The following PATJ variants were observed in gnomAD, a reference collection of about 807,000 sequenced individuals.
PATJ encodes the protein PATJ crumbs cell polarity complex component.
Under a neutral mutation model 224.9 loss-of-function variants are expected in PATJ, and 190 were observed. That is an observed-to-expected ratio of 0.84 (90% CI 0.75 to 0.95). The LOEUF is 0.95. Among genes scored for constraint, PATJ ranks in the 40% least tolerant of loss-of-function variants. The pLI is 0.00. For missense variants in PATJ, 2,121 were observed against 2,270.3 expected, an observed-to-expected ratio of 0.93 and a Z score of 1.34; for synonymous variants, 769 against 820.3, an observed-to-expected ratio of 0.94 and a Z score of 1.07.
chr1:61,923,799 A>G lies in PATJ; in HGVS notation c.3571-3931A>G, dbSNP rs568944017. Among the ~76,000 whole-genome samples, 16 of 151,588 alleles carry G rather than the reference A, an allele frequency of 1.1e-4. 1 individual carries two copies. In the East Asian group the frequency reaches 3.1e-3, roughly 30 times the overall value. On this transcript the variant is annotated intron_variant, in intron 26 of 43. Transcript: ENST00000642238. ...TAGCCGGCTGTGGTGGCACATGCCT[A>G]TAATTCCAGCTACTTGGGAGGCTGA... is the stretch of plus-strand genomic sequence containing the variant.
chr1:62,161,329 T>TTA lies in PATJ; in HGVS notation c.*276_*277insAT. The stretch of plus-strand genomic sequence containing the variant: ...TTGCATTTAATTTCAGTGTTCCGAT[T>TTA]TCTTTTTTTTTTTTTTTTTTTTTTT... On this transcript the variant is annotated 3_prime_UTR_variant, in exon 44 of 44. Coordinates refer to ENST00000642238, the MANE Select transcript of PATJ (RefSeq NM_001350145.3). 2 of 177,218 alleles carry TTA rather than the reference T, an allele frequency of 1.1e-5. No individual in the cohort carries two copies. Among genetic ancestry groups the TTA allele is most frequent in the Non-Finnish European group, 2.0e-5 (2 of 99,742 alleles). The allele number at this position is 177,218 out of a possible 1,614,324, so 11.0% of individuals were successfully genotyped here. A position where few individuals can be genotyped will look rare whatever the true frequency, so the allele number is the denominator to read the frequency against.
chr1:62,114,211 T>TGGCCGG lies in PATJ; in HGVS notation c.4625_4630dup (p.Arg1542_Gly1543dup). 6.2e-7 allele frequency: 1 copy of TGGCCGG among 1,614,170 alleles called. No individual in the cohort carries two copies. Among genetic ancestry groups the TGGCCGG allele is most frequent in the Non-Finnish European group, 8.5e-7 (1 of 1,179,996 alleles). ...TCCCTGTGGATCTGCAGAAGAAAGC[T>TGGCCGG]GGCCGGGGCCTGGGCCTGAGCATCG... is the stretch of plus-strand genomic sequence containing the variant. On this transcript the variant is annotated inframe_insertion, in exon 35 of 44. Coordinates refer to ENST00000642238, the MANE Select transcript of PATJ (RefSeq NM_001350145.3).
intron 27 of PATJ, among the ~76,000 whole-genome samples, chr1:61,945,631 G>A (rs1678574229): frequency 6.6e-6 from 1 of 152,008 alleles, no homozygotes; most frequent in Admixed American, 6.6e-5. Context: ...ATAATAGTGG[G>A]AGACTTTAAC....
At position 61,787,770 on chromosome 1, in the gene PATJ, CAG is replaced by C. The variant is rs762658673; in HGVS notation, c.867_868del (p.Asp291ProfsTer16). 7 of 1,613,696 alleles carry C rather than the reference CAG, an allele frequency of 4.3e-6. No individual in the cohort carries two copies. The highest frequency in any genetic ancestry group is 5.9e-6 in the Non-Finnish European group (7 of 1,179,596). On this transcript the variant is annotated frameshift_variant, in exon 8 of 44. Transcript: ENST00000642238. LOFTEE classifies it high-confidence loss of function. ...TTCTTGAAGGATGGAAGACTCCAGA[CAG>C]GGGACCACATCTTGAAGATTGGTGG...
chr1:61,776,836 C>T (rs577038673), intron 7 of PATJ, among the ~76,000 whole-genome samples: 1 of 152,104 alleles, frequency 6.6e-6, no homozygotes, highest in African/African-American at 2.4e-5. Flanking sequence ...TGCCATTCTC[C>T]TGCCTCAGCC....
intron 41 of PATJ, among the ~76,000 whole-genome samples, chr1:62,146,415 C>T (rs1668041304): frequency 6.6e-6 from 1 of 152,122 alleles, no homozygotes; most frequent in African/African-American, 2.4e-5. Context: ...AACATCCTAG[C>T]CGCTATGGAT....
At chr1:62,110,300 G>A (rs1663639463) in intron 34 of PATJ, among the ~76,000 whole-genome samples, 1 of 152,158 alleles carries the variant, frequency 6.6e-6, no homozygotes, top group South Asian at 2.1e-4. Context: ...TGGCTGATGA[G>A]TACAAATGTG....
At chr1:62,103,744 A>G (rs1407583727) in intron 33 of PATJ, among the ~76,000 whole-genome samples, 1 of 142,740 alleles carries the variant, frequency 7.0e-6, no homozygotes, top group Non-Finnish European at 1.5e-5. Flanking sequence ...AAAGAGTAAG[A>G]CTCTGTCTCA....
chr1:62,011,406 A>G (rs1328104547), intron 28 of PATJ, among the ~76,000 whole-genome samples: 1 of 152,152 alleles, frequency 6.6e-6, no homozygotes, highest in Non-Finnish European at 1.5e-5. Flanking sequence ...TTGGAATCGG[A>G]AGGCCTCGGA....
intron 27 of PATJ, among the ~76,000 whole-genome samples, chr1:61,933,508 T>TCCACC (rs1020090451): frequency 7.1e-6 from 1 of 141,022 alleles, no homozygotes; most frequent in Non-Finnish European, 1.5e-5. Flanking sequence ...GCCACTGCAC[T>TCCACC]CCACCCTGGC....
chr1:62,033,287 A>T (rs762909871), intron 29 of PATJ, among the ~76,000 whole-genome samples: 2 of 152,222 alleles, frequency 1.3e-5, no homozygotes, highest in Non-Finnish European at 2.9e-5. Context: ...GTTGAGTTTC[A>T]ACCAATCAAA....
chr1:62,013,135 T>G (rs1646549877), intron 28 of PATJ, among the ~76,000 whole-genome samples: 1 of 152,218 alleles, frequency 6.6e-6, no homozygotes, highest in South Asian at 2.1e-4. Context: ...AACTTCAGAT[T>G]TCCTCTTACG....
intron 30 of PATJ, among the ~76,000 whole-genome samples, chr1:62,046,388 C>T (rs936535105): frequency 3.9e-5 from 6 of 152,202 alleles, no homozygotes. Context: ...AAAGTAAATG[C>T]TTTATTGCTA....
intron 27 of PATJ, among the ~76,000 whole-genome samples, chr1:61,982,634 T>G (rs1191355789): frequency 6.6e-6 from 1 of 152,116 alleles, no homozygotes; most frequent in Non-Finnish European, 1.5e-5. Context: ...CAAAGTCATT[T>G]TATCTTTCCT....
At chr1:61,767,831 C>A (rs2148334973) in intron 4 of PATJ, among the ~76,000 whole-genome samples, 1 of 151,792 alleles carries the variant, frequency 6.6e-6, no homozygotes, top group East Asian at 2.0e-4. Context: ...CGTGTGTCAC[C>A]ACGCCTGGCT....
At chr1:61,751,757 T>TG (rs1645343066) in intron 1 of PATJ, among the ~76,000 whole-genome samples, 1 of 151,388 alleles carries the variant, frequency 6.6e-6, no homozygotes, top group Non-Finnish European at 1.5e-5. Context: ...ACCCTGGAGG[T>TG]GGAGGTTGCA....
At chr1:61,981,987 ATCTCTGT>A in intron 27 of PATJ, among the ~76,000 whole-genome samples, 1 of 152,028 alleles carries the variant, frequency 6.6e-6, no homozygotes, top group South Asian at 2.1e-4. Context: ...ATTCTTGTGC[ATCTCTGT>A]ATGCTATTCC....
At chr1:61,852,856 T>A (rs1663054747) in intron 17 of PATJ, among the ~76,000 whole-genome samples, 1 of 152,098 alleles carries the variant, frequency 6.6e-6, no homozygotes, top group Non-Finnish European at 1.5e-5. Context: ...GCATGTGATG[T>A]AAAGGAAATG....
At chr1:62,096,917 C>G (rs758346330) in intron 33 of PATJ, among the ~76,000 whole-genome samples, 27 of 152,112 alleles carry the variant, frequency 1.8e-4, no homozygotes, top group Non-Finnish European at 2.2e-4. Flanking sequence ...GCGCCCGGCC[C>G]AACATAGATG....
Sources: gnomAD v4.1 joint callset for allele counts (sites outside exome capture counted in the v4.1 genomes callset) on GRCh38, gnomAD v4.1.1 for gene constraint, MANE v1.5 for transcripts, NCBI Gene and HGNC (gene_info 2026-07-23, HGNC 2026-07-21) for gene names.